Variants in NALF1 observed in about 807,000 individuals in gnomAD.
NALF1 encodes family with sequence similarity 155 member A.
A neutral mutation model predicts 48.4 loss-of-function variants in NALF1; 3 were observed. That is an observed-to-expected ratio of 0.06 (90% CI 0.03 to 0.16). The LOEUF is 0.16. Ranked by LOEUF, NALF1 falls within the 10% of genes least tolerant of loss-of-function variation. The probability of loss-of-function intolerance (pLI) is 1.00; values close to 1 mark genes in which losing one functional copy is unlikely to be tolerated. For missense variants in NALF1, 526 were observed against 571.5 expected, an observed-to-expected ratio of 0.92 and a Z score of 0.81; for synonymous variants, 262 against 245.7, an observed-to-expected ratio of 1.07 and a Z score of -0.62.
At chr13:107,261,311 C>T (rs778072456) in intron 1 of NALF1, among the ~76,000 whole-genome samples, 7 of 152,228 alleles carry the variant, frequency 4.6e-5, no homozygotes, top group East Asian at 1.9e-4. Flanking sequence ...CCCATCTCCA[C>T]GCCCATGCAC....
At chr13:107,512,099 A>G (rs1440288575) in intron 1 of NALF1, among the ~76,000 whole-genome samples, 1 of 152,164 alleles carries the variant, frequency 6.6e-6, no homozygotes, top group Non-Finnish European at 1.5e-5. Context: ...CTTTAGAAAA[A>G]CCTGGTTTAC....
In NALF1 at chr13:107,271,814, A is replaced by ATATATATATATT. The variant is rs1374366280; in HGVS notation, c.916-61060_916-61059insAATATATATATA. Among the ~76,000 whole-genome samples the ATATATATATATT allele has an allele frequency of 2.5e-3, 256 of 102,376 alleles. 1 individual carries two copies. Among genetic ancestry groups the ATATATATATATT allele is most frequent in the East Asian group, 6.5e-3 (14 of 2,138 alleles). The allele number at this position is 102,376 out of a possible 152,430, so 67.2% of individuals were successfully genotyped here. ...TATATATATATATATATATATATAT[A>ATATATATATATT]TATTTATATATTTATATATACAAAT... On this transcript the variant is annotated intron_variant, in intron 1 of 2. Transcript: ENST00000375915.
intron 2 of NALF1, among the ~76,000 whole-genome samples, chr13:107,196,119 A>C (rs997920637): frequency 2.0e-5 from 3 of 152,160 alleles, no homozygotes; most frequent in Non-Finnish European, 4.4e-5. Flanking sequence ...ATGGACACAG[A>C]GGGGAACAAC....
At chr13:107,442,141 G>T (rs560827271) in intron 1 of NALF1, among the ~76,000 whole-genome samples, 1 of 152,140 alleles carries the variant, frequency 6.6e-6, no homozygotes, top group Admixed American at 6.5e-5. Flanking sequence ...CCTATAGGCA[G>T]GAATAATAAA....
intron 1 of NALF1, among the ~76,000 whole-genome samples, chr13:107,215,840 A>AT (rs1236553656): frequency 7.8e-6 from 1 of 128,966 alleles, no homozygotes; most frequent in Non-Finnish European, 1.8e-5. Flanking sequence ...TATGATTAAT[A>AT]TTTTTCCAGC....
intron 1 of NALF1, among the ~76,000 whole-genome samples, chr13:107,340,475 T>TCTC (rs1555333345): frequency 7.5e-4 from 39 of 52,216 alleles, no homozygotes; most frequent in Non-Finnish European, 1.0e-3. Context: ...TCTTCTCTCT[T>TCTC]TCTTTCTTTC....
intron 1 of NALF1, among the ~76,000 whole-genome samples, chr13:107,404,895 C>T (rs558704002): frequency 3.9e-4 from 60 of 152,186 alleles, no homozygotes; most frequent in African/African-American, 1.4e-3. Context: ...CACTGCGTGA[C>T]AGTCACTCAA....
At chr13:107,834,411 C>T (rs533599277) in intron 1 of NALF1, among the ~76,000 whole-genome samples, 1 of 152,270 alleles carries the variant, frequency 6.6e-6, no homozygotes, top group East Asian at 1.9e-4. Context: ...AACTGCACAG[C>T]TCTTACCATC....
At chr13:107,504,919 C>G (rs1875646467) in intron 1 of NALF1, among the ~76,000 whole-genome samples, 1 of 152,202 alleles carries the variant, frequency 6.6e-6, no homozygotes, top group South Asian at 2.1e-4. Flanking sequence ...GTATACCAAG[C>G]CTGGTTTCAG....
intron 1 of NALF1, among the ~76,000 whole-genome samples, chr13:107,680,005 T>C (rs1325910651): frequency 6.6e-6 from 1 of 152,174 alleles, no homozygotes; most frequent in Non-Finnish European, 1.5e-5. Context: ...CCAGGACATC[T>C]GAGTGTCCCT....
At chr13:107,475,216 A>C (rs1885161046) in intron 1 of NALF1, among the ~76,000 whole-genome samples, 1 of 152,174 alleles carries the variant, frequency 6.6e-6, no homozygotes, top group African/African-American at 2.4e-5. Context: ...TCATTCATTG[A>C]ACACATGTGG....
At chr13:107,551,633 A>G (rs2139129761) in intron 1 of NALF1, among the ~76,000 whole-genome samples, 1 of 152,210 alleles carries the variant, frequency 6.6e-6, no homozygotes, top group Middle Eastern at 3.4e-3. Flanking sequence ...TGTCATCTTT[A>G]TAATCATAAT....
intron 1 of NALF1, among the ~76,000 whole-genome samples, chr13:107,750,436 T>C (rs534543774): frequency 6.9e-4 from 105 of 152,290 alleles, no homozygotes; most frequent in Non-Finnish European, 1.4e-3. Flanking sequence ...AATCCACATA[T>C]ATTACAATTT....
intron 1 of NALF1, among the ~76,000 whole-genome samples, chr13:107,393,991 G>A (rs1479421457): frequency 6.6e-6 from 1 of 152,160 alleles, no homozygotes; most frequent in Admixed American, 6.5e-5. Context: ...GTAGAGATTG[G>A]TAGCTGAGGA....
At chr13:107,212,434 G>T (rs1879781098) in intron 1 of NALF1, among the ~76,000 whole-genome samples, 2 of 152,176 alleles carry the variant, frequency 1.3e-5, no homozygotes, top group African/African-American at 4.8e-5. Flanking sequence ...AATAGCCGAA[G>T]AAACCTCTAA....
At chr13:107,419,520 G>C (rs1470050195) in intron 1 of NALF1, among the ~76,000 whole-genome samples, 2 of 152,176 alleles carry the variant, frequency 1.3e-5, no homozygotes, top group African/African-American at 4.8e-5. Context: ...TCACTGAAGA[G>C]GTGAAAGTCT....
intron 1 of NALF1, among the ~76,000 whole-genome samples, chr13:107,756,543 G>A (rs921477589): frequency 1.3e-5 from 2 of 151,710 alleles, no homozygotes; most frequent in Non-Finnish European, 2.9e-5. Context: ...ACATTAGTCT[G>A]GGTAGGACTG....
intron 1 of NALF1, among the ~76,000 whole-genome samples, chr13:107,551,419 T>C (rs1594124411): frequency 6.6e-6 from 1 of 152,194 alleles, no homozygotes; most frequent in Non-Finnish European, 1.5e-5. Context: ...CAACAAACCC[T>C]ACCTCTTCAC....
intron 1 of NALF1, among the ~76,000 whole-genome samples, chr13:107,248,683 G>C (rs906764925): frequency 6.6e-6 from 1 of 151,056 alleles, no homozygotes; most frequent in Admixed American, 6.7e-5. Flanking sequence ...GATAGCCACT[G>C]TGTTAATATT....
Sources: gnomAD v4.1 joint callset for allele counts (sites outside exome capture counted in the v4.1 genomes callset) on GRCh38, gnomAD v4.1.1 for gene constraint, MANE v1.5 for transcripts, NCBI Gene and HGNC (gene_info 2026-07-23, HGNC 2026-07-21) for gene names.